The following PDE3A variants were observed in gnomAD, a reference collection of about 807,000 sequenced individuals.
The protein encoded by PDE3A is phosphodiesterase 3A.
PDE3A carries 43 observed loss-of-function variants against 98.3 expected under a neutral mutation model. That is an observed-to-expected ratio of 0.44 (90% CI 0.34 to 0.56). PDE3A has a LOEUF of 0.56. Ranked by LOEUF, PDE3A falls within the 20% of genes least tolerant of loss-of-function variation. The pLI, the probability that PDE3A is intolerant of heterozygous loss-of-function variation, is 0.01. For missense variants in PDE3A, 1,427 were observed against 1,440.7 expected, an observed-to-expected ratio of 0.99 and a Z score of 0.15; for synonymous variants, 663 against 567.9, an observed-to-expected ratio of 1.17 and a Z score of -2.38.
intron 15 of PDE3A, among the ~76,000 whole-genome samples, chr12:20,664,275 A>T (rs964789107): frequency 5.9e-5 from 9 of 152,162 alleles, no homozygotes; most frequent in Admixed American, 5.9e-4. Context: ...GAAATTCACA[A>T]TCTAATGGGA....
At chr12:20,618,545 T>G (rs1250054956) in intron 4 of PDE3A, among the ~76,000 whole-genome samples, 1 of 152,112 alleles carries the variant, frequency 6.6e-6, no homozygotes, top group South Asian at 2.1e-4. Context: ...CACACTGGAC[T>G]GAGAATCTGA....
chr12:20,579,326 C>T (rs181664220), intron 2 of PDE3A, among the ~76,000 whole-genome samples: 15 of 152,272 alleles, frequency 9.9e-5, no homozygotes, highest in Admixed American at 9.8e-4. Flanking sequence ...AGCTCAGTGC[C>T]CTTCCCAGTT....
intron 1 of PDE3A, among the ~76,000 whole-genome samples, chr12:20,504,980 T>G (rs1317976533): frequency 6.6e-6 from 1 of 152,130 alleles, no homozygotes; most frequent in Non-Finnish European, 1.5e-5. Context: ...TCTGAGTGTA[T>G]GCCAGTAGCT....
chr12:20,584,245 T>C (rs1458418712), intron 2 of PDE3A, among the ~76,000 whole-genome samples: 1 of 152,120 alleles, frequency 6.6e-6, no homozygotes, highest in African/African-American at 2.4e-5. Flanking sequence ...TACAAATGAG[T>C]GAGATGAAAC....
chr12:20,444,369 A>T (rs10841527), intron 1 of PDE3A, among the ~76,000 whole-genome samples: 27,083 of 152,160 alleles, frequency 0.18, 2,575 homozygotes, highest in East Asian at 0.27. Flanking sequence ...ATACACATAA[A>T]CAACAGAGAG....
At chr12:20,478,763 G>T (rs995465905) in intron 1 of PDE3A, among the ~76,000 whole-genome samples, 1 of 152,118 alleles carries the variant, frequency 6.6e-6, no homozygotes, top group Non-Finnish European at 1.5e-5. Context: ...TCAGGACAAT[G>T]TCAATATTTT....
chr12:20,551,525 A>G, intron 1 of PDE3A: 12 of 1,151,264 alleles, frequency 1.0e-5, no homozygotes, highest in Non-Finnish European at 1.4e-5. Context: ...AATTCCGATA[A>G]CGAACGAGAC....
At chr12:20,657,937 G>A (rs1412474935) in intron 15 of PDE3A, among the ~76,000 whole-genome samples, 1 of 152,154 alleles carries the variant, frequency 6.6e-6, no homozygotes, top group African/African-American at 2.4e-5. Context: ...ACCTTAAACT[G>A]AAGAGTGTTT....
chr12:20,634,924 T>A lies in PDE3A; in HGVS notation c.1869T>A (p.Ser623=). Residue 623 remains serine, a synonymous_variant, in exon 8 of 16, where the codon TCT becomes TCA. Coordinates refer to ENST00000359062, the MANE Select transcript of PDE3A (RefSeq NM_000921.5). Reference sequence around the variant, plus strand: ...TAGATGACACTGCTCAAGTTACCTCTGATTATGAAACCAATAACAACAGTG... The same window carrying A: ...TAGATGACACTGCTCAAGTTACCTCAGATTATGAAACCAATAACAACAGTG... ...SRTDDTAQVT[S]DYETNNNSDS... 1 of 1,610,552 alleles carries A rather than the reference T, an allele frequency of 6.2e-7. No individual in the cohort carries two copies. The highest frequency in any genetic ancestry group is 8.5e-7 in the Non-Finnish European group (1 of 1,176,762).
At chr12:20,608,760 G>A (rs1480468855) in intron 2 of PDE3A, among the ~76,000 whole-genome samples, 6 of 151,932 alleles carry the variant, frequency 3.9e-5, no homozygotes, top group Non-Finnish European at 8.8e-5. Context: ...TTTAAAACTT[G>A]TAATTCTCAT....
intron 1 of PDE3A, among the ~76,000 whole-genome samples, chr12:20,459,159 AGT>A (rs1378915163): frequency 5.9e-5 from 9 of 152,170 alleles, no homozygotes; most frequent in Non-Finnish European, 1.2e-4. Context: ...TTGTACATTG[AGT>A]GTGTATCAAG....
intron 2 of PDE3A, among the ~76,000 whole-genome samples, chr12:20,602,800 T>C (rs1360867572): frequency 5.9e-5 from 9 of 152,230 alleles, no homozygotes; most frequent in African/African-American, 1.4e-4. Context: ...AGGTTCAGCC[T>C]ACAATGAGTT....
In PDE3A at chr12:20,656,510, T is replaced by C. The variant is rs115185478; in HGVS notation, c.3184+2305T>C. Among the ~76,000 whole-genome samples, 1,270 of 152,366 alleles carry C rather than the reference T, an allele frequency of 8.3e-3. 13 individuals are homozygous for C. The highest frequency in any genetic ancestry group is 0.029 in the African/African-American group (1,210 of 41,590). On this transcript the variant is annotated intron_variant, in intron 15 of 15. Transcript: ENST00000359062. ...ACTGTCAAAGTAATTATATTTCATT[T>C]ATCTGATGCAAATAAAAAGACTTCC...
chr12:20,649,691 C>T (rs1317313520), intron 13 of PDE3A, among the ~76,000 whole-genome samples: 1 of 151,994 alleles, frequency 6.6e-6, no homozygotes, highest in South Asian at 2.1e-4. Context: ...TTTGGGAGGC[C>T]GAGGTGGGTG....
chr12:20,581,486 A>T (rs1943063291), intron 2 of PDE3A, among the ~76,000 whole-genome samples: 1 of 152,198 alleles, frequency 6.6e-6, no homozygotes, highest in Admixed American at 6.5e-5. Flanking sequence ...TTTTTTTCTC[A>T]TGTTACAATT....
chr12:20,569,685 TACTAA>T (rs762837082), intron 2 of PDE3A, among the ~76,000 whole-genome samples: 62 of 152,186 alleles, frequency 4.1e-4, no homozygotes, highest in Non-Finnish European at 7.8e-4. Context: ...TCAGTTAAAA[TACTAA>T]ACTAAGAAGA....
intron 1 of PDE3A, among the ~76,000 whole-genome samples, chr12:20,502,233 G>T (rs965121831): frequency 3.9e-5 from 6 of 152,016 alleles, no homozygotes; most frequent in African/African-American, 1.2e-4. Context: ...AAAGAGTAAG[G>T]TTCAGCTGAA....
intron 1 of PDE3A, among the ~76,000 whole-genome samples, chr12:20,551,075 TCCCTGTTTTCCA>T (rs1004978010): frequency 6.6e-6 from 1 of 151,474 alleles, no homozygotes; most frequent in Non-Finnish European, 1.5e-5. Flanking sequence ...CTTAGTTTAC[TCCCTGTTTTCCA>T]AATATTCAAC....
chr12:20,591,168 G>T (rs2121376765), intron 2 of PDE3A, among the ~76,000 whole-genome samples: 2 of 152,240 alleles, frequency 1.3e-5, no homozygotes, highest in Middle Eastern at 6.8e-3. Flanking sequence ...TCTCTTTTGT[G>T]TCTCAGCTAC....
Sources: gnomAD v4.1 joint callset for allele counts (sites outside exome capture counted in the v4.1 genomes callset) on GRCh38, gnomAD v4.1.1 for gene constraint, MANE v1.5 for transcripts, NCBI Gene and HGNC (gene_info 2026-07-23, HGNC 2026-07-21) for gene names.